Variants in BICDL2 observed in about 807,000 individuals in gnomAD.
The protein encoded by BICDL2 is BICD family-like cargo adapter 2.
BICDL2 carries 62 observed loss-of-function variants against 56.6 expected under a neutral mutation model. The ratio of observed to expected loss-of-function variants is 1.10; its 90% CI spans 0.89 to 1.35. The LOEUF (loss-of-function observed/expected upper bound fraction) is 1.35. BICDL2 is among the 40% of genes most tolerant of loss of function. BICDL2 has a pLI of 0.00. For synonymous variants in BICDL2, 358 were observed against 319.8 expected, an observed-to-expected ratio of 1.12 and a Z score of -1.27; for missense variants, 808 against 684.5, an observed-to-expected ratio of 1.18 and a Z score of -2.01.
intron 5 of BICDL2, 192 bp from the exon 6 acceptor site, chr16:3,029,931 C>T (rs1355587907): frequency 1.8e-6 from 1 of 557,638 alleles, no homozygotes; most frequent in Non-Finnish European, 3.1e-6. Flanking sequence ...GTTTCCTCGC[C>T]TATAGAGCAG....
Position 3,029,315 on chromosome 16 carries a change from C to G in BICDL2, c.1072G>C (p.Glu358Gln). 1.9e-6 allele frequency: 3 copies of G among 1,611,914 alleles called. No individual in the cohort carries two copies. Among genetic ancestry groups the G allele is most frequent in the South Asian group, 1.1e-5 (1 of 90,770 alleles). ...AGCTTGGCCACTTCCACCTCCTTCTCCTCCAGTATCTCCGCTGGACTGAGG... is the reference window on the plus strand; with the variant it reads ...AGCTTGGCCACTTCCACCTCCTTCTGCTCCAGTATCTCCGCTGGACTGAGG... ...TSLSPAEILE[E>Q]KEVEVAKLQD... is the part of the protein sequence containing the mutation. Residue 358 changes from glutamate to glutamine, a missense_variant, in exon 7 of 10, where the codon GAG becomes CAG. By Grantham distance (29) the Glu-to-Gln change is conservative. Coordinates refer to ENST00000572449, the MANE Select transcript of BICDL2 (RefSeq NM_001369667.1).
At chr16:3,031,403 C>T in intron 2 of BICDL2, 1 of 560,702 alleles carries the variant, frequency 1.8e-6, no homozygotes, top group South Asian at 2.5e-5. Flanking sequence ...CTCTGATGAC[C>T]ACTCACCTCC....
chr16:3,036,297 C>A (rs1262427729), intron 1 of BICDL2: 8 of 452,212 alleles, frequency 1.8e-5, no homozygotes, highest in Non-Finnish European at 3.1e-5. Flanking sequence ...CGCCCGGCCG[C>A]AGCGCGGCTC....
chr16:3,035,614 C>T, intron 1 of BICDL2, 88 bp from the exon 2 acceptor site: 1 of 1,200,974 alleles, frequency 8.3e-7, no homozygotes, highest in South Asian at 1.5e-5. Context: ...TGCTGCCAGC[C>T]TGCCCGGTCC....
In BICDL2 at chr16:3,028,522, C is replaced by T. The variant is rs1172883729; in HGVS notation, c.1239-54G>A. 7 of 1,553,462 alleles carry T rather than the reference C, an allele frequency of 4.5e-6. No homozygotes were observed. The African/African-American group carries it at 9.5e-5, about 21-fold the overall frequency. ...TGAGGGCGCTAGGGCCTCAGGGAGCCGGGGTGGCGGGGGACTTCTGTACCC... is the reference window on the plus strand; with the variant it reads ...TGAGGGCGCTAGGGCCTCAGGGAGCTGGGGTGGCGGGGGACTTCTGTACCC... On this transcript the variant is annotated intron_variant, in intron 8 of 9. Transcript: ENST00000572449.
rs535604254 is a variant in BICDL2, at chr16:3,035,296, G to A, written c.201C>T (p.Leu67=). ...CATTTCGCTCCAGAAGCATCTTGCC[G>A]AGCTCCGCGGCCAACAGCAGGTCTT... The part of the protein sequence containing the change: ...KEKDLLLAAE[L]GKMLLERNEE... The change falls in exon 2 of 10, where the codon CTC becomes CTT. Residue 67 remains leucine (L), a synonymous_variant. Coordinates refer to ENST00000572449, the MANE Select transcript of BICDL2 (RefSeq NM_001369667.1). 25 of 1,560,158 alleles carry A rather than the reference G, an allele frequency of 1.6e-5. No homozygotes were observed. Among genetic ancestry groups the A allele is most frequent in the African/African-American group, 9.5e-5 (7 of 73,434 alleles).
At chr16:3,035,572 C>T in intron 1 of BICDL2, 46 bp from the exon 2 acceptor site, 1 of 1,486,656 alleles carries the variant, frequency 6.7e-7, no homozygotes, top group Non-Finnish European at 9.0e-7. Flanking sequence ...TCACCCTCCG[C>T]CCAGCACCTG....
At chr16:3,036,836 G>A (rs1472140589) in intron 1 of BICDL2, 58 bp downstream of exon 1, 1 of 323,366 alleles carries the variant, frequency 3.1e-6, no homozygotes, top group Non-Finnish European at 6.0e-6. Flanking sequence ...CGACGCGGCC[G>A]GACCAGGCCC....
chr16:3,028,313 C>T (rs767428189), intron 9 of BICDL2, 35 bp downstream of exon 9: 299 of 1,540,228 alleles, frequency 1.9e-4, no homozygotes, highest in Middle Eastern at 4.1e-4. Context: ...GGTCCCGCCC[C>T]TTGCCCCGCC....
At position 3,035,185 on chromosome 16, in the gene BICDL2, A is replaced by ACCCCCCCCCCCCCCCCCCCC; in HGVS notation, c.282+29_282+30insGGGGGGGGGGGGGGGGGGGG. 2 of 41,126 alleles carry ACCCCCCCCCCCCCCCCCCCC rather than the reference A, an allele frequency of 4.9e-5. 1 individual carries two copies. The highest frequency in any genetic ancestry group is 4.2e-4 in the South Asian group (2 of 4,752). The allele number at this position is 41,126 out of a possible 1,614,324, so 2.5% of individuals were successfully genotyped here. On this transcript the variant is annotated intron_variant, in intron 2 of 9. Coordinates refer to ENST00000572449, the MANE Select transcript of BICDL2 (RefSeq NM_001369667.1). ...CCCACCCGTCCTCCCCTGCCCACCC[A>ACCCCCCCCCCCCCCCCCCCC]CCCACCCACCCCGTCCAGTGCTAGC...
intron 2 of BICDL2, 47 bp from the exon 3 acceptor site, chr16:3,031,197 G>T: frequency 6.7e-7 from 1 of 1,486,772 alleles, no homozygotes; most frequent in South Asian, 1.2e-5. Flanking sequence ...GCACCGATGA[G>T]ACTGGGCAGG....
intron 5 of BICDL2, 32 bp from the exon 6 acceptor site, chr16:3,029,771 C>A (rs754857535): frequency 4.8e-6 from 7 of 1,451,382 alleles, no homozygotes; most frequent in African/African-American, 1.5e-5. Context: ...GAAGCGCGGG[C>A]GGTCAGCGGG....
rs765948154 is a variant in BICDL2 at position 3,028,384 on chromosome 16, C to A, written c.1323G>T (p.Gln441His). 1.5e-5 allele frequency: 23 copies of A among 1,551,940 alleles called. 1 individual carries two copies. In the East Asian group the frequency reaches 4.7e-4, roughly 32 times the overall value. ...LSRELLRAIR[Q>H]KVALTQELEA... ...CCAGCTCCTGCGTGAGCGCCACCTT[C>A]TGGCGGATGGCGCGCAGCAGCTCCC... is the stretch of plus-strand genomic sequence containing the variant. Residue 441 changes from glutamine to histidine, a missense_variant, in exon 9 of 10, where the codon CAG (glutamine) becomes CAT (histidine). Transcript: ENST00000572449.
chr16:3,030,567 T>C lies in BICDL2; in HGVS notation c.644A>G (p.Asp215Gly). ...CAGGCCTCGGATCTGGGCCTCCAGG[T>C]CCTGCCGGCGGCTCTGCAGCATCTG... is the stretch of plus-strand genomic sequence containing the variant. ...ENQMLQSRRQ[D>G]LEAQIRGLRE... is the part of the protein sequence containing the mutation. The change falls in exon 5 of 10, where the codon GAC (aspartate) becomes GGC (glycine). Residue 215 changes from aspartate to glycine, a missense_variant. By Grantham distance (94) the Asp-to-Gly change is moderately conservative (BLOSUM62 -1). Coordinates refer to ENST00000572449, the MANE Select transcript of BICDL2 (RefSeq NM_001369667.1). The C allele has an allele frequency of 6.3e-7, 1 of 1,597,050 alleles. No individual in the cohort carries two copies. The highest frequency in any genetic ancestry group is 8.5e-7 in the Non-Finnish European group (1 of 1,175,894).
chr16:3,030,719 G>A lies in BICDL2; in HGVS notation c.592C>T (p.Arg198Trp), dbSNP rs753248974. The change falls in exon 4 of 10, where the codon CGG becomes TGG. Residue 198 changes from arginine (R) to tryptophan (W), a missense_variant. Physicochemically the swap from Arg to Trp is moderately radical, Grantham distance 101 (BLOSUM62 -3). Coordinates refer to ENST00000572449, the MANE Select transcript of BICDL2 (RefSeq NM_001369667.1). ...QALAGAELRT[R>W]LESLQGENQM... ...ACTTCCCCCTGCAGACTCTCCAGCC[G>A]CGTCCTCAGCTCTGCTCCAGCCAGT... 1.6e-5 allele frequency: 26 copies of A among 1,611,964 alleles called. No individual in the cohort carries two copies. The highest frequency in any genetic ancestry group is 8.0e-5 in the African/African-American group (6 of 74,916).
intron 2 of BICDL2, chr16:3,031,708 C>G: frequency 2.5e-6 from 1 of 397,376 alleles, no homozygotes; most frequent in Admixed American, 4.3e-5. Context: ...CTGGCCCACT[C>G]TCTCTAGGCC....
At chr16:3,032,562 G>C (rs1955672335) in intron 2 of BICDL2, 1 of 152,184 alleles carries the variant, frequency 6.6e-6, no homozygotes, top group South Asian at 2.1e-4. Context: ...GTAGTTTCAG[G>C]GAGACAGTAA....
Position 3,031,026 on chromosome 16 carries a change from C to T in BICDL2, c.407G>A (p.Arg136His), listed in dbSNP as rs775256994. ...TCGCCCACTGTCCTGCTGCTCTGAGCGCTGCTCCCCAAGCTGGGCCCGCAG... is the reference window on the plus strand; with the variant it reads ...TCGCCCACTGTCCTGCTGCTCTGAGTGCTGCTCCCCAAGCTGGGCCCGCAG... ...EALRAQLGEQ[R>H]SEQQDSGRER... is the part of the protein sequence containing the mutation. The change falls in exon 3 of 10, where the codon CGC becomes CAC. Residue 136 changes from arginine to histidine, a missense_variant. Transcript: ENST00000572449. 10 of 1,547,606 alleles carry T rather than the reference C, an allele frequency of 6.5e-6. No homozygotes were observed. The highest frequency in any genetic ancestry group is 1.7e-4 in the Middle Eastern group (1 of 6,016).
intron 2 of BICDL2, 110 bp from the exon 3 acceptor site, chr16:3,031,260 G>A (rs1160783369): frequency 1.1e-6 from 1 of 928,060 alleles, no homozygotes; most frequent in Non-Finnish European, 1.6e-6. Context: ...GCCTAAGGGG[G>A]CCTTGTGTCC....
Sources: allele counts gnomAD v4.1 joint callset, GRCh38; gene constraint gnomAD v4.1.1; transcripts MANE v1.5; gene names NCBI Gene and HGNC (gene_info 2026-07-23, HGNC 2026-07-21).